The following LGSN variants were observed in gnomAD, a reference collection of about 807,000 sequenced individuals.
LGSN encodes lengsin.
LGSN carries 21 observed loss-of-function variants against 19.5 expected under a neutral mutation model. The observed-to-expected ratio is 1.07, with a 90% CI of 0.76 to 1.55. The LOEUF is 1.55. Among genes scored for constraint, LGSN ranks in the 40% most tolerant of loss-of-function variants. The pLI is 0.00. For synonymous variants in LGSN, 257 were observed against 215.6 expected (o/e 1.19, Z -1.68); for missense variants, 673 against 608.5 (o/e 1.11, Z -1.12).
chr6:63,546,641 G>A, the LGSN span, among the ~76,000 whole-genome samples: 1 of 152,132 alleles, frequency 6.6e-6, no homozygotes. Context: ...GGGAGGCAGA[G>A]GTTGCAGTGA....
At chr6:63,454,483 T>C in the LGSN span, among the ~76,000 whole-genome samples, 3 of 148,412 alleles carry the variant, frequency 2.0e-5, no homozygotes, top group Admixed American at 2.0e-4. Context: ...TTTTTTTTTT[T>C]TTTTTTTGAG....
chr6:63,393,470 C>A, the LGSN span, among the ~76,000 whole-genome samples: 1 of 151,986 alleles, frequency 6.6e-6, no homozygotes, highest in African/African-American at 2.4e-5. Flanking sequence ...TGAGCCACCG[C>A]GCCTGGCCCA....
the LGSN span, among the ~76,000 whole-genome samples, chr6:63,344,424 C>G: frequency 6.6e-6 from 1 of 152,048 alleles, no homozygotes; most frequent in African/African-American, 2.4e-5. Context: ...CATTATGAAG[C>G]CTTTCTGAGG....
At chr6:63,416,800 TCAAG>T in the LGSN span, among the ~76,000 whole-genome samples, 18 of 151,938 alleles carry the variant, frequency 1.2e-4, no homozygotes, top group Non-Finnish European at 2.2e-4. Context: ...ATTCCTGACC[TCAAG>T]TGATCTGCCC....
intron 2 of LGSN, among the ~76,000 whole-genome samples, chr6:63,291,220 GCT>G (rs2127386359): frequency 6.6e-6 from 1 of 152,294 alleles, no homozygotes; most frequent in African/African-American, 2.4e-5. Flanking sequence ...GTGTTACCAT[GCT>G]CTTTTAGTTT....
the LGSN span, among the ~76,000 whole-genome samples, chr6:63,401,720 C>G: frequency 6.6e-6 from 1 of 152,120 alleles, no homozygotes; most frequent in Non-Finnish European, 1.5e-5. Context: ...CACCTTTGGC[C>G]TAATATCTGG....
chr6:63,326,221 T>A, the LGSN span, among the ~76,000 whole-genome samples: 1 of 151,348 alleles, frequency 6.6e-6, no homozygotes, highest in Non-Finnish European at 1.5e-5. Context: ...CTAGATACAG[T>A]GCCGACTGGT....
chr6:63,552,541 A>G, the LGSN span, among the ~76,000 whole-genome samples: 2 of 152,294 alleles, frequency 1.3e-5, no homozygotes, highest in East Asian at 3.9e-4. Flanking sequence ...TAGTTTAATT[A>G]GATCCCATTT....
the LGSN span, among the ~76,000 whole-genome samples, chr6:63,432,980 A>G: frequency 3.9e-5 from 6 of 152,312 alleles, no homozygotes; most frequent in South Asian, 1.0e-3. Flanking sequence ...CTTCTATTCC[A>G]AAGAGAACTT....
the LGSN span, among the ~76,000 whole-genome samples, chr6:63,558,027 A>G: frequency 6.6e-6 from 1 of 151,702 alleles, no homozygotes; most frequent in Non-Finnish European, 1.5e-5. Context: ...ACCCACCACC[A>G]TGCCTGGGTA....
chr6:63,397,832 C>T, the LGSN span, among the ~76,000 whole-genome samples: 1,254 of 152,050 alleles, frequency 8.2e-3, 14 homozygotes, highest in South Asian at 0.025. Context: ...CCCAGCTACT[C>T]GGGAAGCTGA....
the LGSN span, among the ~76,000 whole-genome samples, chr6:63,558,343 G>T: frequency 6.6e-6 from 1 of 152,058 alleles, no homozygotes; most frequent in East Asian, 1.9e-4. Flanking sequence ...GAACAAATAA[G>T]GCTTTTGACA....
chr6:63,360,658 C>T, the LGSN span, among the ~76,000 whole-genome samples: 1 of 152,338 alleles, frequency 6.6e-6, no homozygotes, highest in African/African-American at 2.4e-5. Context: ...CTCAACTCAT[C>T]AAAGTCATTC....
At chr6:63,299,091 G>A (rs573199732) in intron 1 of LGSN, among the ~76,000 whole-genome samples, 35 of 152,138 alleles carry the variant, frequency 2.3e-4, no homozygotes, top group African/African-American at 7.0e-4. Flanking sequence ...TTATTTCCTC[G>A]CCTTATTAAT....
chr6:63,516,717 C>A, the LGSN span, among the ~76,000 whole-genome samples: 1 of 152,182 alleles, frequency 6.6e-6, no homozygotes, highest in Non-Finnish European at 1.5e-5. Context: ...GTGTGGCCAT[C>A]TGAGTTTTGG....
At chr6:63,432,145 GAA>G in the LGSN span, among the ~76,000 whole-genome samples, 2 of 108,182 alleles carry the variant, frequency 1.8e-5, no homozygotes, top group African/African-American at 7.6e-5. Flanking sequence ...AAGAAAGAAA[GAA>G]AGAAAGAAAG....
the LGSN span, among the ~76,000 whole-genome samples, chr6:63,365,681 A>T: frequency 2.0e-5 from 3 of 152,232 alleles, no homozygotes; most frequent in African/African-American, 4.8e-5. Flanking sequence ...CAATGCAAAA[A>T]TCCTCAATAA....
chr6:63,549,970 C>A, the LGSN span, among the ~76,000 whole-genome samples: 1 of 152,050 alleles, frequency 6.6e-6, no homozygotes, highest in Non-Finnish European at 1.5e-5. Flanking sequence ...ATGTTCACAA[C>A]ATAAAGAAGT....
At chr6:63,294,357 A>AAAAT (rs1037014796) in intron 2 of LGSN, among the ~76,000 whole-genome samples, 6 of 151,958 alleles carry the variant, frequency 3.9e-5, no homozygotes, top group African/African-American at 1.2e-4. Flanking sequence ...TAATTAATTA[A>AAAAT]AAATAAATAA....
Sources: allele counts gnomAD v4.1 joint callset (sites outside exome capture counted in the v4.1 genomes callset), GRCh38; gene constraint gnomAD v4.1.1; transcripts MANE v1.5; gene names NCBI Gene and HGNC (gene_info 2026-07-23, HGNC 2026-07-21).